NRL: variants seen among roughly 807,000 people sequenced by gnomAD.
The protein encoded by NRL is neural retina leucine zipper.
In NRL, 16 loss-of-function variants were observed where a neutral mutation model predicts 12.5. The observed-to-expected ratio is 1.28, with a 90% CI of 0.87 to 1.95. The LOEUF is 1.95. Among genes scored for constraint, NRL ranks in the 30% most tolerant of loss-of-function variants. The pLI, the probability that NRL is intolerant of heterozygous loss-of-function variation, is 0.00. For synonymous variants in NRL, 142 were observed against 150.9 expected, an observed-to-expected ratio of 0.94 and a Z score of 0.43; for missense variants, 314 against 325.8, an observed-to-expected ratio of 0.96 and a Z score of 0.28.
intron 2 of NRL, among the ~76,000 whole-genome samples, chr14:24,082,195 C>G (rs557677884): frequency 6.6e-6 from 1 of 152,190 alleles, no homozygotes; most frequent in Non-Finnish European, 1.5e-5. Flanking sequence ...TCGCCCACTC[C>G]CCAGCTCAAT....
At chr14:24,091,949 G>T (rs1216084765) in intron 1 of NRL, among the ~76,000 whole-genome samples, 3 of 152,032 alleles carry the variant, frequency 2.0e-5, no homozygotes, top group East Asian at 1.9e-4. Context: ...TTGATTTAGG[G>T]TGTTATATGT....
intron 1 of NRL, chr14:24,084,581 G>A: frequency 1.0e-6 from 1 of 985,466 alleles, no homozygotes. Context: ...CTTCCCAGGA[G>A]ACTGAAGGCT....
chr14:24,102,861 C>T (rs1298557532), intron 1 of NRL: 2 of 1,613,998 alleles, frequency 1.2e-6, no homozygotes, highest in South Asian at 2.2e-5. Context: ...CCCATTGACG[C>T]CATCATCTTT....
intron 1 of NRL, among the ~76,000 whole-genome samples, chr14:24,104,541 A>G (rs1166537664): frequency 1.3e-5 from 2 of 150,908 alleles, no homozygotes; most frequent in Non-Finnish European, 2.9e-5. Context: ...TGGGAAGCTG[A>G]GGCAGGAGAA....
Position 24,081,156 on chromosome 14 carries a change from A to C in NRL, c.*80T>G. 1 of 1,029,370 alleles carries C rather than the reference A, an allele frequency of 9.7e-7. No individual in the cohort carries two copies. Among genetic ancestry groups the C allele is most frequent in the Non-Finnish European group, 1.3e-6 (1 of 780,720 alleles). 63.8% of individuals were successfully genotyped at this position (1,029,370 alleles called of 1,614,324 possible). ...AGGACCAGAAGGCGCTCTGGTAACGATGCAGAGAACCGTGCAGCCGCCTCC... is the reference window on the plus strand; with the variant it reads ...AGGACCAGAAGGCGCTCTGGTAACGCTGCAGAGAACCGTGCAGCCGCCTCC... On this transcript the variant is annotated 3_prime_UTR_variant, in exon 3 of 3. Transcript: ENST00000561028. This position sits in a 1 kb window ranked among gnomAD's most constrained non-coding sequence, Gnocchi z 4.4.
intron 1 of NRL, chr14:24,104,095 G>T (rs1358014558): frequency 9.3e-6 from 6 of 646,852 alleles, no homozygotes; most frequent in Non-Finnish European, 1.4e-5. Context: ...CACAAAGACT[G>T]TCCAATAATA....
In NRL at chr14:24,094,603, G is replaced by T; in HGVS notation, c.-27-11728C>A. On this transcript the variant is annotated intron_variant, in intron 1 of 2. Transcript: ENST00000561028. This position sits in a 1 kb window ranked among gnomAD's most constrained non-coding sequence, Gnocchi z 4.1. ...AGCCTCCCGCGCCGCGCGTCTCTTG[G>T]GAGGGCAGCCGGCCGGTGCTCCTCG... 1 of 1,461,862 alleles carries T rather than the reference G, an allele frequency of 6.8e-7. No homozygotes were observed. The highest frequency in any genetic ancestry group is 9.0e-7 in the Non-Finnish European group (1 of 1,108,778). The allele number at this position is 1,461,862 out of a possible 1,614,324, so 90.6% of individuals were successfully genotyped here. A position where few individuals can be genotyped will look rare whatever the true frequency, so the allele number is the denominator to read the frequency against.
chr14:24,081,662 C>A lies in NRL; in HGVS notation c.382-94G>T. Reference sequence around the variant, plus strand: ...GCTACCTGGCTCCGCCCCGGGACAGCCCCGCCCCGGCTCCCACCTTCACCG... The same window carrying A: ...GCTACCTGGCTCCGCCCCGGGACAGACCCGCCCCGGCTCCCACCTTCACCG... On this transcript the variant is annotated intron_variant, in intron 2 of 2. Coordinates refer to ENST00000561028, the MANE Select transcript of NRL (RefSeq NM_001354768.3). The surrounding 1 kb of genome is among the most constrained non-coding windows in gnomAD (Gnocchi z 4.4). 1 of 1,530,716 alleles carries A rather than the reference C, an allele frequency of 6.5e-7. No homozygotes were observed. The allele number at this position is 1,530,716 out of a possible 1,614,324, so 94.8% of individuals were successfully genotyped here.
rs1440399565 is a variant in NRL at position 24,081,550 on chromosome 14, C to G, written c.400G>C (p.Asp134His). 6.2e-7 allele frequency: 1 copy of G among 1,600,826 alleles called. No homozygotes were observed. The highest frequency in any genetic ancestry group is 8.5e-7 in the Non-Finnish European group (1 of 1,175,248). Residue 134 changes from aspartate to histidine, a missense_variant, in exon 3 of 3, where the codon GAC becomes CAC. Coordinates refer to ENST00000561028, the MANE Select transcript of NRL (RefSeq NM_001354768.3). The surrounding 1 kb of genome is among the most constrained non-coding windows in gnomAD (Gnocchi z 4.4). The part of the protein sequence containing the change: ...QHVQLAERFS[D>H]AALVSMSVRE... ...ACAGACATCGAGACCAGCGCCGCGT[C>G]GGAAAACCGCTCTGCCAGCTGCGGA...
At chr14:24,103,397 C>G in intron 1 of NRL, 4 of 1,189,042 alleles carry the variant, frequency 3.4e-6, no homozygotes, top group Non-Finnish European at 4.9e-6. Context: ...TTCCCCATCC[C>G]TGAAGATATT....
intron 1 of NRL, chr14:24,104,098 C>T (rs1052154040): frequency 1.2e-5 from 8 of 640,756 alleles, no homozygotes; most frequent in Non-Finnish European, 2.2e-5. Context: ...AAAGACTGTC[C>T]AATAATAAGA....
chr14:24,099,798 A>T, intron 1 of NRL: 1 of 1,521,386 alleles, frequency 6.6e-7, no homozygotes, highest in Non-Finnish European at 9.1e-7. Context: ...GTTCACAATG[A>T]CTTTGTCAGT....
At chr14:24,103,566 G>T (rs765384504) in intron 1 of NRL, 1 of 1,581,342 alleles carries the variant, frequency 6.3e-7, no homozygotes, top group Non-Finnish European at 8.6e-7. Context: ...CTACAACTTC[G>T]GGCACTACCT....
chr14:24,094,802 C>T lies in NRL; in HGVS notation c.-27-11927G>A, dbSNP rs531510941. On this transcript the variant is annotated intron_variant, in intron 1 of 2. Coordinates refer to ENST00000561028, the MANE Select transcript of NRL (RefSeq NM_001354768.3). The surrounding 1 kb of genome is among the most constrained non-coding windows in gnomAD (Gnocchi z 4.1). ...GGACCTCTAACGGGCTCTCAGCCAG[C>T]GCCCCAGGGTACTTCGAGAGGCAGC... The T allele has an allele frequency of 3.7e-6, 5 of 1,354,882 alleles. No individual in the cohort carries two copies. Among genetic ancestry groups the T allele is most frequent in the South Asian group, 3.7e-5 (3 of 81,552 alleles). 83.9% of individuals were successfully genotyped at this position (1,354,882 alleles called of 1,614,324 possible).
Position 24,079,117 on chromosome 14 carries a change from C to A in NRL, c.*2119G>T, listed in dbSNP as rs751326715. Among the ~76,000 whole-genome samples the A allele has an allele frequency of 2.6e-5, 4 of 152,156 alleles. No homozygotes were observed. The highest frequency in any genetic ancestry group is 4.4e-5 in the Non-Finnish European group (3 of 68,042). On this transcript the variant is annotated 3_prime_UTR_variant, in exon 3 of 3. Coordinates refer to ENST00000561028, the MANE Select transcript of NRL (RefSeq NM_001354768.3). ...CACTACTCTTAATCACCACAGTGTG[C>A]AACTTTGTTTTTTTAAGTATACTCA...
Position 24,103,481 on chromosome 14 carries a change from A to G in NRL, c.-28+11241T>C, listed in dbSNP as rs772769140. ...CTTCCCTACCCCAGTGAGAAGGAAG[A>G]TTCCTTACCCATCTTGCTTCCCCCC... On this transcript the variant is annotated intron_variant, in intron 1 of 2. Coordinates refer to ENST00000561028, the MANE Select transcript of NRL (RefSeq NM_001354768.3). 5.9e-6 allele frequency: 9 copies of G among 1,526,478 alleles called. No individual in the cohort carries two copies. The Admixed American group carries it at 1.9e-4, about 32-fold the overall frequency. The allele number at this position is 1,526,478 out of a possible 1,614,324, so 94.6% of individuals were successfully genotyped here.
chr14:24,102,902 A>G, intron 1 of NRL: 1 of 1,611,104 alleles, frequency 6.2e-7, no homozygotes, highest in Non-Finnish European at 8.5e-7. Flanking sequence ...TAAACAACAT[A>G]TGAGCTCCAT....
rs972469809 is a variant in NRL at position 24,082,511 on chromosome 14, T to G, written c.338A>C (p.Tyr113Ser). ...GPVPVDGPHGYYPGSPEETGA... is the reference protein window; with the variant it reads ...GPVPVDGPHGSYPGSPEETGA... The stretch of plus-strand genomic sequence containing the variant: ...TGTCTCCTCTGGGCTCCCTGGGTAG[T>G]AGCCATGGGGCCCATCAACAGGGAC... Residue 113 changes from tyrosine to serine, a missense_variant, in exon 2 of 3, where the codon TAC becomes TCC. By Grantham distance (144) the Tyr-to-Ser change is moderately radical (BLOSUM62 -2). Coordinates refer to ENST00000561028, the MANE Select transcript of NRL (RefSeq NM_001354768.3). 3 of 1,613,100 alleles carry G rather than the reference T, an allele frequency of 1.9e-6. No homozygotes were observed. In the African/African-American group the frequency reaches 4.0e-5, roughly 22 times the overall value.
chr14:24,094,489 C>A lies in NRL; in HGVS notation c.-27-11614G>T. ...GCACCTTCCGCTGCGCTCGCCCCCT[C>A]GGGGCTGCCAGTGGCGCTCTCCTGC... is the stretch of plus-strand genomic sequence containing the variant. On this transcript the variant is annotated intron_variant, in intron 1 of 2. Coordinates refer to ENST00000561028, the MANE Select transcript of NRL (RefSeq NM_001354768.3). The surrounding 1 kb of genome is among the most constrained non-coding windows in gnomAD (Gnocchi z 4.1). The A allele has an allele frequency of 2.0e-6, 3 of 1,482,042 alleles. No homozygotes were observed. Among genetic ancestry groups the A allele is most frequent in the South Asian group, 2.6e-5 (2 of 76,078 alleles). The allele number at this position is 1,482,042 out of a possible 1,614,324, so 91.8% of individuals were successfully genotyped here.
Sources: gnomAD v4.1 joint callset for allele counts (sites outside exome capture counted in the v4.1 genomes callset) on GRCh38, gnomAD v4.1.1 for gene constraint, Gnocchi (gnomAD v3.1) non-coding constraint, MANE v1.5 for transcripts, NCBI Gene and HGNC (gene_info 2026-07-23, HGNC 2026-07-21) for gene names.